The following HAO2 variants were observed in gnomAD, a reference collection of about 807,000 sequenced individuals.
HAO2 encodes the protein hydroxyacid oxidase 2, also known as 2-Hydroxyacid oxidase 2.
HAO2 carries 42 observed loss-of-function variants against 37.4 expected under a neutral mutation model. The observed-to-expected ratio is 1.12, with a 90% confidence interval of 0.88 to 1.45. The LOEUF is 1.45. HAO2 is among the 40% of genes most tolerant of loss of function. HAO2 has a pLI of 0.00. For missense variants in HAO2, 476 were observed against 430.2 expected (o/e 1.11, Z -0.94); for synonymous variants, 180 against 162.8 (o/e 1.11, Z -0.81).
chr1:119,376,467 C>A (rs1649480083), intron 1 of HAO2, among the ~76,000 whole-genome samples: 1 of 152,290 alleles, frequency 6.6e-6, no homozygotes, highest in African/African-American at 2.4e-5. Flanking sequence ...GTGCACAGTG[C>A]AAGCTGTCAG....
chr1:119,385,446 C>T (rs1192305443), intron 4 of HAO2: 1 of 796,894 alleles, frequency 1.3e-6, no homozygotes, highest in Non-Finnish European at 1.5e-6. Context: ...CATACATAGA[C>T]AAACTGACTC....
chr1:119,375,029 G>C (rs1336299292), intron 1 of HAO2, among the ~76,000 whole-genome samples: 1 of 152,160 alleles, frequency 6.6e-6, no homozygotes, highest in Non-Finnish European at 1.5e-5. Context: ...GGTTCAAGGA[G>C]CTAAAATGAG....
At position 119,369,134 on chromosome 1, in the gene HAO2, T is replaced by A. The variant is rs753473290; in HGVS notation, c.-9+232T>A. 2.6e-5 allele frequency: 4 copies of A among 152,166 alleles called. No individual in the cohort carries two copies. The East Asian group carries it at 5.8e-4, about 22-fold the overall frequency. The allele number at this position is 152,166 out of a possible 1,614,324, so 9.4% of individuals were successfully genotyped here. A position where few individuals can be genotyped will look rare whatever the true frequency, so the allele number is the denominator to read the frequency against. On this transcript the variant is annotated intron_variant, in intron 1 of 7. Transcript: ENST00000325945. ...AAGGTTAAGTCTAGGAAGTTGAGTC[T>A]TAGAATTGTATGGTGGAATATTCGT...
rs2101301257 is a variant in HAO2, at chr1:119,394,011, CTG to C, written c.*175_*176del. On this transcript the variant is annotated 3_prime_UTR_variant, in exon 8 of 8. Transcript: ENST00000325945. ...CCTGTGCTTCAGGCCCTCCAAACCCCTGTGTTCCCCAAATGTTCCATGCCCTT... is the reference window on the plus strand; with the variant it reads ...CCTGTGCTTCAGGCCCTCCAAACCCCTGTTCCCCAAATGTTCCATGCCCTT... 1 of 1,431,984 alleles carries C rather than the reference CTG, an allele frequency of 7.0e-7. No individual in the cohort carries two copies. The highest frequency in any genetic ancestry group is 2.6e-5 in the East Asian group (1 of 38,650). 88.7% of individuals were successfully genotyped at this position (1,431,984 alleles called of 1,614,324 possible). A position where few individuals can be genotyped will look rare whatever the true frequency, so the allele number is the denominator to read the frequency against.
At chr1:119,383,242 C>T (rs1177577444) in intron 3 of HAO2, among the ~76,000 whole-genome samples, 176 bp downstream of exon 3, 1 of 152,212 alleles carries the variant, frequency 6.6e-6, no homozygotes, top group East Asian at 1.9e-4. Flanking sequence ...ATTGAGAAAA[C>T]ATTCATTTTC....
At chr1:119,380,645 G>C (rs374068950) in intron 1 of HAO2, 14 of 1,436,338 alleles carry the variant, frequency 9.7e-6, no homozygotes, top group African/African-American at 8.4e-5. Context: ...TGAAAGACAA[G>C]AGGCAGGCAT....
At chr1:119,375,498 A>C (rs587773113) in intron 1 of HAO2, among the ~76,000 whole-genome samples, 2 of 152,310 alleles carry the variant, frequency 1.3e-5, no homozygotes, top group Admixed American at 1.3e-4. Flanking sequence ...CAAGTCATTT[A>C]TGAGAACCAA....
intron 1 of HAO2, among the ~76,000 whole-genome samples, chr1:119,378,268 A>C (rs2101194894): frequency 6.6e-6 from 1 of 152,284 alleles, no homozygotes; most frequent in East Asian, 1.9e-4. Context: ...TAAACCCATC[A>C]GATCTCATGA....
intron 1 of HAO2, among the ~76,000 whole-genome samples, chr1:119,372,876 T>C (rs771654312): frequency 2.0e-5 from 3 of 152,246 alleles, no homozygotes; most frequent in Admixed American, 1.3e-4. Flanking sequence ...AACTAGAATG[T>C]TCATATGACC....
intron 7 of HAO2, among the ~76,000 whole-genome samples, chr1:119,393,151 T>C (rs1651044664): frequency 6.6e-6 from 1 of 152,152 alleles, no homozygotes; most frequent in Admixed American, 6.6e-5. Context: ...CAGCCTGTTA[T>C]TGCATTCTTT....
intron 1 of HAO2, chr1:119,380,458 A>T: frequency 2.2e-6 from 1 of 457,288 alleles, no homozygotes; most frequent in Non-Finnish European, 3.9e-6. Flanking sequence ...GCCAAGAATT[A>T]CAAAGTAAAC....
rs1402347586 is a variant in HAO2 at position 119,381,180 on chromosome 1, G to A, written c.95G>A (p.Ser32Asn). 4 of 1,609,976 alleles carry A rather than the reference G, an allele frequency of 2.5e-6. No individual in the cohort carries two copies. In the African/African-American group the frequency reaches 4.0e-5, roughly 16 times the overall value. ...RDFIEGGADD[S>N]ITRDDNIAAF... The stretch of plus-strand genomic sequence containing the variant: ...TTTATTGAAGGTGGAGCAGATGACA[G>A]CATCACGCGGGATGACAACATTGCA... Residue 32 changes from serine to asparagine, a missense_variant, in exon 2 of 8, where the codon AGC (serine) becomes AAC (asparagine). Transcript: ENST00000325945.
At chr1:119,375,396 C>A (rs113343780) in intron 1 of HAO2, among the ~76,000 whole-genome samples, 5,842 of 151,850 alleles carry the variant, frequency 0.038, 350 homozygotes, top group African/African-American at 0.13. Flanking sequence ...AACCTCTAAC[C>A]AAAATAATAG....
chr1:119,385,760 A>G (rs1417604), intron 4 of HAO2: 622,956 of 984,190 alleles, frequency 0.63, 197,625 homozygotes, highest in East Asian at 0.7. Flanking sequence ...CCAGTGGGCA[A>G]CTGTGACACC....
At chr1:119,380,577 G>GAAGCTA in intron 1 of HAO2, 1 of 708,512 alleles carries the variant, frequency 1.4e-6, no homozygotes. Context: ...AAATGAAGCT[G>GAAGCTA]GTGAGGCAGT....
chr1:119,387,392 G>T (rs1251359876), intron 5 of HAO2, among the ~76,000 whole-genome samples: 2 of 152,110 alleles, frequency 1.3e-5, no homozygotes, highest in Non-Finnish European at 2.9e-5. Flanking sequence ...TGTTTTCATT[G>T]AGTTATATTT....
At position 119,384,862 on chromosome 1, in the gene HAO2, C is replaced by G. The variant is rs1414072220; in HGVS notation, c.370C>G (p.Leu124Val). The G allele has an allele frequency of 6.2e-7, 1 of 1,613,726 alleles. No homozygotes were observed. Among genetic ancestry groups the G allele is most frequent in the African/African-American group, 1.3e-5 (1 of 74,916 alleles). The change falls in exon 4 of 8, where the codon CTC becomes GTC. Residue 124 changes from leucine (L) to valine (V), a missense_variant. Transcript: ENST00000325945. ...CATTGTCATTGCAGCTCCCGAAGGCCTCCGATGGTTCCAACTCTATGTGCA... is the reference window on the plus strand; with the variant it reads ...CATTGTCATTGCAGCTCCCGAAGGCGTCCGATGGTTCCAACTCTATGTGCA... ...EDIVIAAPEG[L>V]RWFQLYVHPD...
chr1:119,373,671 A>G (rs1445834578), intron 1 of HAO2, among the ~76,000 whole-genome samples: 1 of 152,206 alleles, frequency 6.6e-6, no homozygotes, highest in African/African-American at 2.4e-5. Flanking sequence ...CGTGACACAC[A>G]AAGCTCCTAG....
At chr1:119,385,142 C>G (rs1159967733) in intron 4 of HAO2, 89 bp downstream of exon 4, 1 of 1,519,206 alleles carries the variant, frequency 6.6e-7, no homozygotes, top group East Asian at 2.4e-5. Context: ...TTTCTTTCCA[C>G]AGGCATTTAT....
Sources: gnomAD v4.1 joint callset for allele counts (sites outside exome capture counted in the v4.1 genomes callset) on GRCh38, gnomAD v4.1.1 for gene constraint, MANE v1.5 for transcripts, NCBI Gene and HGNC (gene_info 2026-07-23, HGNC 2026-07-21) for gene names.